The following GAGE10 variants were observed in gnomAD, a reference collection of about 807,000 sequenced individuals.
The protein encoded by GAGE10 is G antigen 10.
A neutral mutation model predicts 11.5 loss-of-function variants in GAGE10; 9 were observed. That is an observed-to-expected ratio of 0.78 (90% confidence interval 0.47 to 1.37). The LOEUF (loss-of-function observed/expected upper bound fraction) is 1.37. Ranked by LOEUF, GAGE10 falls within the 40% of genes most tolerant of loss-of-function variation. The probability of loss-of-function intolerance (pLI) is 0.00; values close to 1 mark genes in which losing one functional copy is unlikely to be tolerated. For missense variants in GAGE10, 83 were observed against 92.9 expected (o/e 0.89, Z 0.44); for synonymous variants, 23 against 29.7 (o/e 0.77, Z 0.73).
chrX:49,306,585 T>C (rs782575754), intron 3 of GAGE10, among the ~76,000 whole-genome samples: 68 of 112,147 alleles, frequency 6.1e-4, no homozygotes, highest in Non-Finnish European at 1.1e-3. Flanking sequence ...CGAAATCCTA[T>C]CCATGTGGTA....
intron 3 of GAGE10, among the ~76,000 whole-genome samples, chrX:49,307,587 T>A (rs1398562593): frequency 9.0e-6 from 1 of 111,050 alleles, no homozygotes; most frequent in Non-Finnish European, 1.9e-5. Context: ...GAAGGGATTC[T>A]CTTGCCTCAG....
At chrX:49,307,033 A>G (rs1280263068) in intron 3 of GAGE10, among the ~76,000 whole-genome samples, 1 of 111,888 alleles carries the variant, frequency 8.9e-6, no homozygotes, top group Non-Finnish European at 1.9e-5. Flanking sequence ...CTGTCTTCCT[A>G]AAGTTCAGTG....
At chrX:49,309,171 C>G (rs1309680736) in intron 3 of GAGE10, among the ~76,000 whole-genome samples, 2 of 111,110 alleles carry the variant, frequency 1.8e-5, no homozygotes, top group Admixed American at 1.9e-4. Context: ...CTAGTGGACC[C>G]GAGAGTGAAA....
chrX:49,316,809 A>G (rs1284509112), intron 3 of GAGE10, among the ~76,000 whole-genome samples: 3 of 111,188 alleles, frequency 2.7e-5, no homozygotes, highest in Non-Finnish European at 5.6e-5. Flanking sequence ...CTGGCTAGTC[A>G]TGCCATATAA....
chrX:49,308,984 T>A (rs2066366706), intron 3 of GAGE10, among the ~76,000 whole-genome samples: 1 of 111,345 alleles, frequency 9.0e-6, no homozygotes, highest in Non-Finnish European at 1.9e-5. Flanking sequence ...GGGAGTGACG[T>A]GGGGAAGCAC....
chrX:49,314,556 A>G (rs2066385218), intron 3 of GAGE10, among the ~76,000 whole-genome samples: 1 of 112,747 alleles, frequency 8.9e-6, no homozygotes, highest in Non-Finnish European at 1.9e-5. Flanking sequence ...TACAGGACAG[A>G]CAGCACTATT....
rs1602730976 is a variant in GAGE10, at chrX:49,317,141, A to G, written c.203-22A>G. On this transcript the variant is annotated intron_variant, in intron 3 of 4. Transcript: ENST00000407599. ...ATTTCATGTTTTACTGCTTAAATTG[A>G]TATGTATTTTTTATTTTTAATGGCC... 3.4e-6 allele frequency: 4 copies of G among 1,186,609 alleles called. No individual in the cohort carries two copies. The East Asian group carries it at 9.0e-5, about 27-fold the overall frequency.
At chrX:49,305,776 G>A (rs2904022) in intron 3 of GAGE10, among the ~76,000 whole-genome samples, 1 of 111,567 alleles carries the variant, frequency 9.0e-6, no homozygotes, top group Non-Finnish European at 1.9e-5. Flanking sequence ...TGGAGGCGCT[G>A]GGATTGTGTT....
At chrX:49,315,622 A>T (rs1273930692) in intron 3 of GAGE10, among the ~76,000 whole-genome samples, 5 of 112,649 alleles carry the variant, frequency 4.4e-5, no homozygotes, top group Non-Finnish European at 9.4e-5. Context: ...CCTCAGAAGG[A>T]GGAGTATGTG....
In GAGE10 at chrX:49,315,930, T is replaced by G. The variant is rs189421655; in HGVS notation, c.203-1233T>G. 2.4e-4 allele frequency among the ~76,000 whole-genome samples: 27 copies of G among 112,177 alleles called. 1 individual carries two copies. Among genetic ancestry groups the G allele is most frequent in the African/African-American group, 8.1e-4 (25 of 30,883 alleles). On this transcript the variant is annotated intron_variant, in intron 3 of 4. Transcript: ENST00000407599. ...GTAACCCGACACACTACCTCACAGT[T>G]GATGGCATTAACCAAACATCAGCTG... is the stretch of plus-strand genomic sequence containing the variant.
chrX:49,305,882 A>G (rs2066355071), intron 3 of GAGE10, among the ~76,000 whole-genome samples: 2 of 111,151 alleles, frequency 1.8e-5, no homozygotes, highest in Non-Finnish European at 1.9e-5. Flanking sequence ...AACGGAAATG[A>G]TTTTGCTGAA....
At chrX:49,312,033 G>A (rs1334661707) in intron 3 of GAGE10, among the ~76,000 whole-genome samples, 8 of 112,164 alleles carry the variant, frequency 7.1e-5, no homozygotes, top group African/African-American at 9.7e-5. Flanking sequence ...CTATAAATAC[G>A]GCCTGTGGAG....
rs782282321 is a variant in GAGE10 at position 49,304,895 on chromosome X, A to G, written c.36A>G (p.Arg12=). Residue 12 remains arginine (R), a synonymous_variant, in exon 2 of 5, where the codon AGA becomes AGG. Coordinates refer to ENST00000407599, the MANE Select transcript of GAGE10 (RefSeq NM_001098413.4). ...SWRGRSTYRP[R]PRRYVEPPEM... ...GAGGAAGATCGACCTATCGGCCTAG[A>G]CCAAGACGCTACGTAGAGCCCCCTG... 5.3e-5 allele frequency: 64 copies of G among 1,208,040 alleles called. No individual in the cohort carries two copies. In the East Asian group the frequency reaches 1.8e-3, roughly 35 times the overall value.
rs782434290 is a variant in GAGE10, at chrX:49,317,283, A to C, written c.323A>C (p.Glu108Ala). The change falls in exon 4 of 5, where the codon GAA becomes GCA. Residue 108 changes from glutamate (E) to alanine (A), a missense_variant. Around this residue, in one of 3 missense-constraint regions of GAGE10, gnomAD observed 66 missense variants for 35.4 expected, o/e 1.87. Coordinates refer to ENST00000407599, the MANE Select transcript of GAGE10 (RefSeq NM_001098413.4). ...LPNPEEVKRP[E>A]EGEKQSQC ...AATCCAGAGGAGGTGAAAAGGCCTG[A>C]AGAAGGTAGGGAATCCATTAGGCAT... The C allele has an allele frequency of 2.2e-5, 27 of 1,205,430 alleles. No homozygotes were observed. Among genetic ancestry groups the C allele is most frequent in the East Asian group, 2.1e-4 (7 of 33,569 alleles).
chrX:49,317,399 G>A (rs781995439), intron 4 of GAGE10, 111 bp downstream of exon 4: 205 of 1,056,492 alleles, frequency 1.9e-4, no homozygotes, highest in Non-Finnish European at 2.4e-4. Flanking sequence ...CCAGGCTGGA[G>A]TGCAGTGGTG....
rs781980927 is a variant in GAGE10, at chrX:49,317,423, T to A, written c.328+135T>A. ...AGTGCAGTGGTGGCATCTCGGCTCA[T>A]TGGAAATTCCGCCTTCTGGGTTCAA... On this transcript the variant is annotated intron_variant, in intron 4 of 4. Transcript: ENST00000407599. 24 of 997,757 alleles carry A rather than the reference T, an allele frequency of 2.4e-5. No homozygotes were observed. The African/African-American group carries it at 4.3e-4, about 18-fold the overall frequency. 82.2% of individuals were successfully genotyped at this position (997,757 alleles called of 1,213,427 possible).
At chrX:49,312,103 C>T (rs1367411059) in intron 3 of GAGE10, among the ~76,000 whole-genome samples, 3 of 112,139 alleles carry the variant, frequency 2.7e-5, no homozygotes, top group African/African-American at 9.7e-5. Context: ...CCCACTGTTG[C>T]ATAAATACGG....
intron 4 of GAGE10, among the ~76,000 whole-genome samples, chrX:49,317,744 C>T (rs2066399749): frequency 9.0e-6 from 1 of 110,809 alleles, no homozygotes; most frequent in South Asian, 3.9e-4. Flanking sequence ...CAGGCCCCAG[C>T]ACCCGACTGA....
chrX:49,314,079 CAGA>C (rs782718765), intron 3 of GAGE10, among the ~76,000 whole-genome samples: 5 of 112,362 alleles, frequency 4.4e-5, no homozygotes, highest in African/African-American at 9.7e-5. Flanking sequence ...TGTCTATGCT[CAGA>C]AGAAGGTTTG....
Sources: gnomAD v4.1 joint callset for allele counts (sites outside exome capture counted in the v4.1 genomes callset) on GRCh38, gnomAD v4.1.1 for gene constraint, gnomAD v4.1.1 regional missense constraint, MANE v1.5 for transcripts, NCBI Gene and HGNC (gene_info 2026-07-23, HGNC 2026-07-21) for gene names.